Variants in PTK2 observed in about 807,000 individuals in gnomAD.
PTK2 encodes protein tyrosine kinase 2.
Under a neutral mutation model 150.1 loss-of-function variants are expected in PTK2, and 45 were observed. The observed-to-expected ratio is 0.30, with a 90% CI of 0.24 to 0.38. The LOEUF (loss-of-function observed/expected upper bound fraction) is 0.38, where lower values mean the gene tolerates loss of function less well. Ranked by LOEUF, PTK2 falls within the 10% of genes least tolerant of loss-of-function variation. The pLI is 1.00. For missense variants in PTK2, 919 were observed against 1,307.3 expected (o/e 0.70, Z 4.58); for synonymous variants, 432 against 449.2 (o/e 0.96, Z 0.48).
chr8:140,921,025 C>T, intron 2 of PTK2: 2 of 1,290,802 alleles, frequency 1.5e-6, no homozygotes, highest in Non-Finnish European at 2.0e-6. Context: ...CCTGTGTGCT[C>T]CTTTTTTCAG....
intron 2 of PTK2, among the ~76,000 whole-genome samples, chr8:140,915,263 A>G (rs1442044726): frequency 6.6e-6 from 1 of 152,028 alleles, no homozygotes; most frequent in African/African-American, 2.4e-5. Flanking sequence ...GGATGAGTCC[A>G]TTTTAAATTG....
exon 30 of PTK2, chr8:140,668,320 C>T: frequency 6.2e-7 from 1 of 1,614,126 alleles, no homozygotes; most frequent in Non-Finnish European, 8.5e-7. Flanking sequence ...TTTTACTGGA[C>T]ATCTCGATGA....
At chr8:140,975,157 C>T (rs2100188814) in intron 1 of PTK2, among the ~76,000 whole-genome samples, 1 of 152,180 alleles carries the variant, frequency 6.6e-6, no homozygotes, top group African/African-American at 2.4e-5. Context: ...CTTTATCCCT[C>T]TCACTTTACT....
intron 3 of PTK2, among the ~76,000 whole-genome samples, chr8:140,889,950 T>G (rs2100153667): frequency 6.6e-6 from 1 of 152,174 alleles, no homozygotes; most frequent in Non-Finnish European, 1.5e-5. Flanking sequence ...ACTTCTACGT[T>G]TAAAAGGTAT....
At chr8:140,698,787 G>C (rs1564618325) in intron 26 of PTK2, among the ~76,000 whole-genome samples, 1 of 152,116 alleles carries the variant, frequency 6.6e-6, no homozygotes. Flanking sequence ...GCTAATTTTT[G>C]TATTTTTAGT....
chr8:141,000,435 G>A (rs1423577856), intron 1 of PTK2, among the ~76,000 whole-genome samples: 1 of 152,144 alleles, frequency 6.6e-6, no homozygotes, highest in Non-Finnish European at 1.5e-5. Context: ...GGGGGACGGA[G>A]GTCGGGCCGT....
intron 13 of PTK2, 130 bp from the exon 14 acceptor site, chr8:140,789,656 G>C: frequency 1.3e-6 from 1 of 760,522 alleles, no homozygotes; most frequent in East Asian, 2.6e-5. Flanking sequence ...TTTAAAAATT[G>C]GATTCTACTA....
chr8:140,916,018 A>C (rs2100165121), intron 2 of PTK2, among the ~76,000 whole-genome samples: 1 of 152,194 alleles, frequency 6.6e-6, no homozygotes, highest in Non-Finnish European at 1.5e-5. Flanking sequence ...CCAAATACTA[A>C]TAATGAGGAC....
At chr8:140,659,630 T>C (rs1386740836) in exon 32 of PTK2, 1 of 1,614,106 alleles carries the variant, frequency 6.2e-7, no homozygotes, top group African/African-American at 1.3e-5. Flanking sequence ...TTCATCTTGT[T>C]GATGAGCTCA....
intron 10 of PTK2, among the ~76,000 whole-genome samples, chr8:140,815,462 G>A (rs190401152): frequency 6.6e-6 from 1 of 152,200 alleles, no homozygotes; most frequent in African/African-American, 2.4e-5. Flanking sequence ...TAACTAATCA[G>A]TACTAGGATT....
chr8:140,688,619 C>T (rs1269296851), intron 26 of PTK2, among the ~76,000 whole-genome samples: 1 of 152,046 alleles, frequency 6.6e-6, no homozygotes, highest in Non-Finnish European at 1.5e-5. Flanking sequence ...ACTGGAGAGG[C>T]TGAGGTGGGG....
At chr8:140,864,927 C>CA (rs2100138387) in intron 4 of PTK2, among the ~76,000 whole-genome samples, 1 of 152,154 alleles carries the variant, frequency 6.6e-6, no homozygotes, top group Non-Finnish European at 1.5e-5. Flanking sequence ...ATTTCGGTTG[C>CA]ATATATACCT....
rs555914692 is a variant in PTK2, at chr8:140,807,729, T to C, written c.868-4079A>G. Among the ~76,000 whole-genome samples, 199 of 152,380 alleles carry C rather than the reference T, an allele frequency of 1.3e-3. 1 individual carries two copies. In the South Asian group the frequency reaches 0.017, roughly 13 times the overall value. ...GACTATATCTTGAAATGATGATACATTGGATATACTGGATCAAATAAAATA... is the reference window on the plus strand; with the variant it reads ...GACTATATCTTGAAATGATGATACACTGGATATACTGGATCAAATAAAATA... On this transcript the variant is annotated intron_variant, in intron 10 of 31. Transcript: ENST00000522684.
At chr8:140,774,384 T>C (rs1355456365) in intron 14 of PTK2, among the ~76,000 whole-genome samples, 1 of 152,180 alleles carries the variant, frequency 6.6e-6, no homozygotes, top group Non-Finnish European at 1.5e-5. Context: ...TTTGAACACT[T>C]GGAGGCTAAG....
At chr8:140,864,899 T>C (rs900679679) in intron 4 of PTK2, among the ~76,000 whole-genome samples, 6 of 152,220 alleles carry the variant, frequency 3.9e-5, no homozygotes, top group Admixed American at 3.3e-4. Context: ...AAATGTCTTC[T>C]GGTAAACGTA....
chr8:140,832,950 G>GTGTGGC (rs1333200879), intron 7 of PTK2: 2 of 519,016 alleles, frequency 3.9e-6, no homozygotes, highest in South Asian at 2.8e-5. Context: ...CTCCGCCACT[G>GTGTGGC]TGTGGCTGTC....
At chr8:140,690,250 C>T (rs1648487353) in intron 26 of PTK2, among the ~76,000 whole-genome samples, 1 of 152,192 alleles carries the variant, frequency 6.6e-6, no homozygotes, top group Non-Finnish European at 1.5e-5. Context: ...CCGCGCCAGG[C>T]CAACAGTTTC....
In PTK2 at chr8:140,831,127, G is replaced by A. The variant is rs189053341; in HGVS notation, c.594-601C>T. Among the ~76,000 whole-genome samples, 10 of 152,230 alleles carry A rather than the reference G, an allele frequency of 6.6e-5. No homozygotes were observed. The East Asian group carries it at 1.7e-3, about 26-fold the overall frequency. On this transcript the variant is annotated intron_variant, in intron 7 of 31. Transcript: ENST00000522684. ...TGAATTTATGGAAATGCTGGAAATC[G>A]CAGCAATGTTCTTTAAGTCAGGCAA...
intron 1 of PTK2, among the ~76,000 whole-genome samples, chr8:140,966,456 C>A (rs578253548): frequency 2.0e-5 from 3 of 152,052 alleles, no homozygotes; most frequent in African/African-American, 7.3e-5. Flanking sequence ...CAACTTAATG[C>A]ATGTTGAATC....
Sources: gnomAD v4.1 joint callset for allele counts (sites outside exome capture counted in the v4.1 genomes callset) on GRCh38, gnomAD v4.1.1 for gene constraint, MANE v1.5 for transcripts, NCBI Gene and HGNC (gene_info 2026-07-23, HGNC 2026-07-21) for gene names.